Variants in DACT1 observed in about 807,000 individuals in gnomAD.
DACT1 encodes dapper homolog 1.
Under a neutral mutation model 35.3 loss-of-function variants are expected in DACT1, and 19 were observed. That is an observed-to-expected ratio of 0.54 (90% CI 0.38 to 0.79). The LOEUF (loss-of-function observed/expected upper bound fraction) is 0.79, where lower values mean the gene tolerates loss of function less well. DACT1 is among the 30% of genes least tolerant of loss of function. The pLI is 0.00. For missense variants in DACT1, 1,143 were observed against 1,057.5 expected (o/e 1.08, Z -1.12); for synonymous variants, 545 against 466.7 (o/e 1.17, Z -2.16).
Position 58,646,789 on chromosome 14 carries a change from C to T in DACT1, c.2055C>T (p.Ser685=), listed in dbSNP as rs1195242839. The T allele has an allele frequency of 6.2e-7, 1 of 1,614,154 alleles. No homozygotes were observed. The highest frequency in any genetic ancestry group is 8.5e-7 in the Non-Finnish European group (1 of 1,180,036). The change falls in exon 4 of 4, where the codon AGC becomes AGT. Residue 685 remains serine, a synonymous_variant. Transcript: ENST00000395153. ...CCAGCCCCTACGCCTACGTGGCTAG[C>T]GACTCCGAGTACTCGGCCGAGTGCG... is the stretch of plus-strand genomic sequence containing the variant. The part of the protein sequence containing the change: ...PYASPYAYVA[S]DSEYSAECES...
chr14:58,636,715 C>G (rs994539587), upstream of DACT1, among the ~76,000 whole-genome samples: 1 of 152,140 alleles, frequency 6.6e-6, no homozygotes, highest in African/African-American at 2.4e-5. Context: ...TTTGCCTGAA[C>G]TTCAGCAATT....
intron 3 of DACT1, among the ~76,000 whole-genome samples, chr14:58,642,801 T>A (rs76040936): frequency 0.053 from 8,127 of 152,340 alleles, 237 homozygotes; most frequent in Middle Eastern, 0.082. Flanking sequence ...TTCTCCAGAA[T>A]GTTCTGCATG....
At chr14:58,644,871 A>G (rs529939957) in intron 3 of DACT1, among the ~76,000 whole-genome samples, 2 of 152,246 alleles carry the variant, frequency 1.3e-5, no homozygotes, top group African/African-American at 4.8e-5. Flanking sequence ...ATTCTGAAAT[A>G]CTACTACTAG....
upstream of DACT1, among the ~76,000 whole-genome samples, chr14:58,637,779 G>A (rs1444065555): frequency 6.6e-6 from 1 of 151,892 alleles, no homozygotes; most frequent in African/African-American, 2.4e-5. Flanking sequence ...GAGGCGGGGA[G>A]GGGCGAGGAG....
intron 1 of DACT1, 173 bp downstream of exon 1, chr14:58,638,720 T>A (rs1595595472): frequency 3.4e-6 from 4 of 1,184,420 alleles, no homozygotes; most frequent in Non-Finnish European, 4.2e-6. Context: ...CCGCGGCGTG[T>A]GGGCTGCCGA....
chr14:58,642,365 T>C lies in DACT1; in HGVS notation c.634+618T>C, dbSNP rs189684429. 1.3e-3 allele frequency among the ~76,000 whole-genome samples: 193 copies of C among 152,140 alleles called. 1 individual carries two copies. Among genetic ancestry groups the C allele is most frequent in the African/African-American group, 4.4e-3 (181 of 41,484 alleles). The stretch of plus-strand genomic sequence containing the variant: ...AGCCGGGCATGGTGGCACATGCCTA[T>C]AGTCCCAGCTACTCGGGAGGCTGAG... On this transcript the variant is annotated intron_variant, in intron 3 of 3. Coordinates refer to ENST00000395153, the MANE Select transcript of DACT1 (RefSeq NM_001079520.2).
Position 58,645,716 on chromosome 14 carries a change from G to T in DACT1, c.982G>T (p.Asp328Tyr), listed in dbSNP as rs1168599244. ...TNKPRTSVNA[D>Y]PTKGLLRNGS... ...CAAACCAAGAACCAGCGTGAACGCT[G>T]ACCCCACGAAAGGGCTTCTGAGGAA... Residue 328 changes from aspartate (D) to tyrosine (Y), a missense_variant, in exon 4 of 4, where the codon GAC (aspartate) becomes TAC (tyrosine). Transcript: ENST00000395153. The T allele has an allele frequency of 6.2e-7, 1 of 1,614,116 alleles. No homozygotes were observed. The highest frequency in any genetic ancestry group is 8.5e-7 in the Non-Finnish European group (1 of 1,180,056).
chr14:58,641,632 C>A lies in DACT1; in HGVS notation c.519C>A (p.Ser173=), dbSNP rs1435219879. The A allele has an allele frequency of 6.2e-7, 1 of 1,614,074 alleles. No individual in the cohort carries two copies. The highest frequency in any genetic ancestry group is 2.2e-5 in the East Asian group (1 of 44,882). ...GTGATGGGGCTTCAGGATCCCTTTC[C>A]AATTCCTCTAACTCGGTGTTCAGTG... The part of the protein sequence containing the change: ...ELSDGASGSL[S]NSSNSVFSEC... Residue 173 remains serine, a synonymous_variant, in exon 3 of 4, where the codon TCC becomes TCA. Coordinates refer to ENST00000395153, the MANE Select transcript of DACT1 (RefSeq NM_001079520.2).
chr14:58,638,656 T>G (rs2047598444), intron 1 of DACT1, 109 bp downstream of exon 1: 1 of 1,233,020 alleles, frequency 8.1e-7, no homozygotes. Context: ...AGATGCTCGC[T>G]GTTATGGGAC....
In DACT1 at chr14:58,645,560, G is replaced by A. The variant is rs1279017987; in HGVS notation, c.826G>A (p.Ala276Thr). ...SDICGGSELDAVKTDSSLPSP... is the reference protein window; with the variant it reads ...SDICGGSELDTVKTDSSLPSP... ...CATTTGCGGTGGATCTGAGCTAGAT[G>A]CCGTCAAAACAGACAGTTCCTTACC... Residue 276 changes from alanine to threonine, a missense_variant, in exon 4 of 4, where the codon GCC becomes ACC. This residue lies in a region of DACT1 where 1,054 missense variants were observed against 958.8 expected (regional missense o/e 1.10). Coordinates refer to ENST00000395153, the MANE Select transcript of DACT1 (RefSeq NM_001079520.2). The A allele has an allele frequency of 6.2e-7, 1 of 1,614,186 alleles. No individual in the cohort carries two copies.
In DACT1 at chr14:58,646,518, G is replaced by A. The variant is rs540319850; in HGVS notation, c.1784G>A (p.Arg595Lys). 7.7e-6 allele frequency: 12 copies of A among 1,559,122 alleles called. No homozygotes were observed. In the African/African-American group the frequency reaches 9.6e-5, roughly 13 times the overall value. The change falls in exon 4 of 4, where the codon AGG becomes AAG. Residue 595 changes from arginine (R) to lysine (K), a missense_variant. Transcript: ENST00000395153. Reference protein sequence around the residue: ...KKLKKASSKGRKSGGGPEAGV... With the variant: ...KKLKKASSKGKKSGGGPEAGV... ...CTCAAGAAAGCCTCCTCCAAGGGGA[G>A]GAAGAGTGGGGGCGGGCCCGAGGCT...
At position 58,638,349 on chromosome 14, in the gene DACT1, G is replaced by A. The variant is rs929626953; in HGVS notation, c.147G>A (p.Glu49=). ...GGCAGCGCACCCGGGAGCGGCAGGAGGCCACGCTGGCCGGGCTGGCGGAGC... is the reference window on the plus strand; with the variant it reads ...GGCAGCGCACCCGGGAGCGGCAGGAAGCCACGCTGGCCGGGCTGGCGGAGC... ...TERQRTRERQ[E]ATLAGLAELE... is the part of the protein sequence containing the mutation. Residue 49 remains glutamate, a synonymous_variant, in exon 1 of 4, where the codon GAG becomes GAA. Coordinates refer to ENST00000395153, the MANE Select transcript of DACT1 (RefSeq NM_001079520.2). 1.8e-5 allele frequency: 24 copies of A among 1,308,588 alleles called. No homozygotes were observed. In the Admixed American group the frequency reaches 2.1e-4, roughly 11 times the overall value. 81.1% of individuals were successfully genotyped at this position (1,308,588 alleles called of 1,614,324 possible). A position where few individuals can be genotyped will look rare whatever the true frequency, so the allele number is the denominator to read the frequency against.
chr14:58,645,005 A>C (rs571742322), intron 3 of DACT1, among the ~76,000 whole-genome samples: 1 of 152,180 alleles, frequency 6.6e-6, no homozygotes, highest in Non-Finnish European at 1.5e-5. Context: ...TCCCTCTATT[A>C]TGCAGTAGTT....
intron 3 of DACT1, among the ~76,000 whole-genome samples, chr14:58,645,002 A>C (rs1258080121): frequency 1.3e-5 from 2 of 152,124 alleles, no homozygotes; most frequent in African/African-American, 4.8e-5. Flanking sequence ...TTTTCCCTCT[A>C]TTATGCAGTA....
upstream of DACT1, among the ~76,000 whole-genome samples, chr14:58,636,230 G>GT (rs1216430919): frequency 6.6e-6 from 1 of 152,092 alleles, no homozygotes; most frequent in Non-Finnish European, 1.5e-5. Flanking sequence ...TTTTGTTTTT[G>GT]TTTTTTGGTA....
Position 58,645,908 on chromosome 14 carries a change from G to T in DACT1, c.1174G>T (p.Glu392Ter). 6.2e-7 allele frequency: 1 copy of T among 1,614,156 alleles called. No individual in the cohort carries two copies. The highest frequency in any genetic ancestry group is 8.5e-7 in the Non-Finnish European group (1 of 1,180,042). ...WSKESKAEQA[E>*]SKRVPLPEGC... ...GAAAGAATCAAAGGCCGAACAAGCCGAAAGCAAGAGGGTGCCCCTGCCAGA... is the reference window on the plus strand; with the variant it reads ...GAAAGAATCAAAGGCCGAACAAGCCTAAAGCAAGAGGGTGCCCCTGCCAGA... The change falls in exon 4 of 4, where the codon GAA (glutamate) becomes TAA (stop). Residue 392 changes from glutamate (E) to a stop codon, truncating the protein, a stop_gained. Transcript: ENST00000395153. LOFTEE classifies it low-confidence loss of function (END_TRUNC).
upstream of DACT1, among the ~76,000 whole-genome samples, chr14:58,634,829 G>A (rs902975648): frequency 1.3e-5 from 2 of 152,192 alleles, no homozygotes; most frequent in African/African-American, 4.8e-5. Context: ...GAGCTGTTCT[G>A]CCTAAGGACA....
chr14:58,638,238 G>A lies in DACT1; in HGVS notation c.36G>A (p.Leu12=). Residue 12 remains leucine, a synonymous_variant, in exon 1 of 4, where the codon CTG becomes CTA. Transcript: ENST00000395153. ...KPSPAGTAKE[L]EPPAPARGEQ... Reference sequence around the variant, plus strand: ...GTCCGGCCGGGACGGCGAAGGAGCTGGAGCCTCCGGCGCCGGCCCGAGGCG... The same window carrying A: ...GTCCGGCCGGGACGGCGAAGGAGCTAGAGCCTCCGGCGCCGGCCCGAGGCG... 2.2e-6 allele frequency: 3 copies of A among 1,364,670 alleles called. No individual in the cohort carries two copies. Among genetic ancestry groups the A allele is most frequent in the Non-Finnish European group, 2.8e-6 (3 of 1,059,462 alleles). 84.5% of individuals were successfully genotyped at this position (1,364,670 alleles called of 1,614,324 possible). A position where few individuals can be genotyped will look rare whatever the true frequency, so the allele number is the denominator to read the frequency against.
At chr14:58,639,261 C>T (rs1276450083) in intron 1 of DACT1, 1 of 985,210 alleles carries the variant, frequency 1.0e-6, no homozygotes, top group Non-Finnish European at 1.2e-6. Context: ...AACCTGCTCT[C>T]GGTAAGCATT....
Sources: allele counts gnomAD v4.1 joint callset (sites outside exome capture counted in the v4.1 genomes callset), GRCh38; gene constraint gnomAD v4.1.1; regional missense constraint gnomAD v4.1.1; transcripts MANE v1.5; gene names NCBI Gene and HGNC (gene_info 2026-07-23, HGNC 2026-07-21).